Variants in GRIA1 observed in about 807,000 individuals in gnomAD.
GRIA1 encodes the protein glutamate receptor 1.
A neutral mutation model predicts 99.2 loss-of-function variants in GRIA1; 31 were observed. The observed-to-expected ratio is 0.31, with a 90% CI of 0.23 to 0.42. The LOEUF is 0.42. Ranked by LOEUF, GRIA1 falls within the 10% of genes least tolerant of loss-of-function variation. GRIA1 has a pLI of 1.00. For missense variants in GRIA1, 782 were observed against 1,157.5 expected, an observed-to-expected ratio of 0.68 and a Z score of 4.71; for synonymous variants, 438 against 432.4, an observed-to-expected ratio of 1.01 and a Z score of -0.16.
chr5:153,557,453 C>G (rs1256452670), intron 2 of GRIA1, among the ~76,000 whole-genome samples: 2 of 152,274 alleles, frequency 1.3e-5, no homozygotes, highest in African/African-American at 4.8e-5. Context: ...ATAAAGTGAA[C>G]TTGGCTTACT....
intron 4 of GRIA1, among the ~76,000 whole-genome samples, chr5:153,655,240 C>T (rs978672027): frequency 3.9e-5 from 6 of 152,116 alleles, no homozygotes; most frequent in African/African-American, 1.4e-4. Flanking sequence ...TGTCTGAGTA[C>T]CTAACTGATT....
chr5:153,787,748 T>A (rs1402099721), intron 13 of GRIA1, among the ~76,000 whole-genome samples: 3 of 152,172 alleles, frequency 2.0e-5, no homozygotes, highest in African/African-American at 7.2e-5. Flanking sequence ...AACTTGACCA[T>A]CTCCTTTGAC....
At position 153,793,364 on chromosome 5, in the gene GRIA1, G is replaced by A. The variant is rs995419557; in HGVS notation, c.2271-1257G>A. Reference sequence around the variant, plus strand: ...ACCATTGGGGACATCCTCCTTCATCGTATTACTGCCTCATGATGGTCTGTG... The same window carrying A: ...ACCATTGGGGACATCCTCCTTCATCATATTACTGCCTCATGATGGTCTGTG... On this transcript the variant is annotated intron_variant, in intron 13 of 15. Coordinates refer to ENST00000285900, the MANE Select transcript of GRIA1 (RefSeq NM_000827.4). Among the ~76,000 whole-genome samples, 7 of 152,118 alleles carry A rather than the reference G, an allele frequency of 4.6e-5. 1 individual carries two copies. The East Asian group carries it at 5.8e-4, about 13-fold the overall frequency.
chr5:153,632,551 T>C (rs1262044324), intron 2 of GRIA1, among the ~76,000 whole-genome samples: 4 of 152,182 alleles, frequency 2.6e-5, no homozygotes, highest in Non-Finnish European at 5.9e-5. Context: ...GCAGCCCACC[T>C]CATATTTGGG....
chr5:153,779,248 G>A (rs761095016), intron 13 of GRIA1, among the ~76,000 whole-genome samples: 1 of 152,098 alleles, frequency 6.6e-6, no homozygotes. Context: ...AGAGGGTAAT[G>A]CTTTACCCAG....
At position 153,812,344 on chromosome 5, in the gene GRIA1, G is replaced by C. The variant is rs867483061; in HGVS notation, c.*1119G>C. On this transcript the variant is annotated 3_prime_UTR_variant, in exon 16 of 16. Coordinates refer to ENST00000285900, the MANE Select transcript of GRIA1 (RefSeq NM_000827.4). ...TTTGGAAGAGGAAGCCTCATCAAAA[G>C]CTCACACAAAATAGAGCTTCCCATG... 1 of 152,156 alleles carries C rather than the reference G, an allele frequency of 6.6e-6. No individual in the cohort carries two copies. The highest frequency in any genetic ancestry group is 1.5e-5 in the Non-Finnish European group (1 of 68,034). 9.4% of individuals were successfully genotyped at this position (152,156 alleles called of 1,614,324 possible). A position where few individuals can be genotyped will look rare whatever the true frequency, so the allele number is the denominator to read the frequency against.
intron 2 of GRIA1, among the ~76,000 whole-genome samples, chr5:153,612,076 G>A (rs1393087933): frequency 6.6e-6 from 1 of 152,208 alleles, no homozygotes; most frequent in Non-Finnish European, 1.5e-5. Context: ...TGTGAGATGG[G>A]GAAATGTGAG....
chr5:153,713,325 G>A (rs1338726593), intron 11 of GRIA1, among the ~76,000 whole-genome samples: 1 of 152,208 alleles, frequency 6.6e-6, no homozygotes, highest in Non-Finnish European at 1.5e-5. Context: ...CCATTAGCAA[G>A]CAACACCAAC....
chr5:153,594,645 G>A (rs1267182083), intron 2 of GRIA1, among the ~76,000 whole-genome samples: 1 of 151,682 alleles, frequency 6.6e-6, no homozygotes, highest in African/African-American at 2.4e-5. Flanking sequence ...CATATTTAGA[G>A]GCCCTTGACT....
intron 2 of GRIA1, among the ~76,000 whole-genome samples, chr5:153,624,461 T>C (rs1305585081): frequency 6.6e-6 from 1 of 152,184 alleles, no homozygotes; most frequent in East Asian, 1.9e-4. Context: ...GACCAGTTTC[T>C]CACTGATCCT....
chr5:153,500,201 T>C (rs893423512), intron 2 of GRIA1, among the ~76,000 whole-genome samples: 1 of 152,216 alleles, frequency 6.6e-6, no homozygotes, highest in Non-Finnish European at 1.5e-5. Context: ...GTGAGCTTAC[T>C]GCTCTCCTCT....
chr5:153,722,793 T>A (rs995475427), intron 11 of GRIA1, among the ~76,000 whole-genome samples: 3 of 152,184 alleles, frequency 2.0e-5, no homozygotes, highest in Non-Finnish European at 4.4e-5. Context: ...TCTCTTCACA[T>A]AGAGACTCCT....
intron 2 of GRIA1, among the ~76,000 whole-genome samples, chr5:153,599,587 A>G (rs1273101207): frequency 6.6e-6 from 1 of 152,228 alleles, no homozygotes; most frequent in Non-Finnish European, 1.5e-5. Flanking sequence ...CTATGTAAAT[A>G]GCTGCCACAC....
Position 153,657,072 on chromosome 5 carries a change from G to A in GRIA1, c.699+1200G>A, listed in dbSNP as rs189927655. Among the ~76,000 whole-genome samples, 3 of 152,218 alleles carry A rather than the reference G, an allele frequency of 2.0e-5. No individual in the cohort carries two copies. The East Asian group carries it at 5.8e-4, about 29-fold the overall frequency. ...TTATTGCCAAACAATATTTCATTAT[G>A]AGCATATACCACATTTTCTTTATCC... On this transcript the variant is annotated intron_variant, in intron 5 of 15. Coordinates refer to ENST00000285900, the MANE Select transcript of GRIA1 (RefSeq NM_000827.4).
At chr5:153,520,702 A>T (rs1357795877) in intron 2 of GRIA1, among the ~76,000 whole-genome samples, 2 of 152,154 alleles carry the variant, frequency 1.3e-5, no homozygotes, top group East Asian at 3.9e-4. Flanking sequence ...CTCCCAACCT[A>T]TTCAACCTTC....
intron 12 of GRIA1, among the ~76,000 whole-genome samples, chr5:153,768,522 C>A (rs911669577): frequency 7.2e-5 from 11 of 152,094 alleles, no homozygotes; most frequent in African/African-American, 2.7e-4. Context: ...TATAGTTTAT[C>A]TAATTATAGG....
intron 6 of GRIA1, 57 bp downstream of exon 6, chr5:153,674,718 G>C: frequency 6.4e-7 from 1 of 1,552,284 alleles, no homozygotes; most frequent in Non-Finnish European, 8.8e-7. Flanking sequence ...GCCTGCCCCA[G>C]ATTTCTGAGC....
intron 5 of GRIA1, among the ~76,000 whole-genome samples, chr5:153,666,280 G>T (rs1755739231): frequency 6.6e-6 from 1 of 152,184 alleles, no homozygotes. Flanking sequence ...CAACGTCCCT[G>T]CCCTCCAGGA....
chr5:153,688,863 G>A (rs553018679), intron 8 of GRIA1, among the ~76,000 whole-genome samples: 2 of 151,924 alleles, frequency 1.3e-5, no homozygotes, highest in Non-Finnish European at 2.9e-5. Flanking sequence ...GGGATTATAG[G>A]TGCCCATCAC....
Sources: allele counts gnomAD v4.1 joint callset (sites outside exome capture counted in the v4.1 genomes callset), GRCh38; gene constraint gnomAD v4.1.1; transcripts MANE v1.5; gene names NCBI Gene and HGNC (gene_info 2026-07-23, HGNC 2026-07-21).